ICE1: variants seen among roughly 807,000 people sequenced by gnomAD.
The protein encoded by ICE1 is interactor of little elongation complex ELL subunit 1.
ICE1 carries 64 observed loss-of-function variants against 192.7 expected under a neutral mutation model. The ratio of observed to expected loss-of-function variants is 0.33; its 90% CI spans 0.27 to 0.41. ICE1 has a LOEUF of 0.41. Among genes scored for constraint, ICE1 ranks in the 10% least tolerant of loss-of-function variants. The pLI, the probability that ICE1 is intolerant of heterozygous loss-of-function variation, is 1.00. For missense variants in ICE1, 2,708 were observed against 2,696.0 expected (o/e 1.00, Z -0.10); for synonymous variants, 1,010 against 984.5 (o/e 1.03, Z -0.49).
intron 5 of ICE1, among the ~76,000 whole-genome samples, chr5:5,442,713 G>C (rs1406561158): frequency 6.6e-6 from 1 of 152,162 alleles, no homozygotes; most frequent in South Asian, 2.1e-4. Flanking sequence ...CTCAATAACA[G>C]TGTCTTTCCC....
Position 5,422,868 on chromosome 5 carries a change from C to G in ICE1, c.-48C>G. ...CAGCAGAGACAGGACGGGGCCGACG[C>G]CGCGGGCCCCTGAGGCGTGCGTGCC... On this transcript the variant is annotated 5_prime_UTR_variant, in exon 1 of 19. Transcript: ENST00000296564. 7.9e-7 allele frequency: 1 copy of G among 1,261,094 alleles called. No individual in the cohort carries two copies. Among genetic ancestry groups the G allele is most frequent in the Non-Finnish European group, 1.0e-6 (1 of 997,562 alleles). The allele number at this position is 1,261,094 out of a possible 1,614,324, so 78.1% of individuals were successfully genotyped here. A position where few individuals can be genotyped will look rare whatever the true frequency, so the allele number is the denominator to read the frequency against.
chr5:5,482,485 G>T (rs1369162264), intron 17 of ICE1, among the ~76,000 whole-genome samples: 1 of 152,224 alleles, frequency 6.6e-6, no homozygotes, highest in Non-Finnish European at 1.5e-5. Context: ...TCTCAGGTCT[G>T]CTGATGAAGT....
At chr5:5,435,655 G>GTGTTTTTTTTTTTGTTTGTT in intron 1 of ICE1, among the ~76,000 whole-genome samples, 1 of 138,660 alleles carries the variant, frequency 7.2e-6, no homozygotes, top group Non-Finnish European at 1.6e-5. Flanking sequence ...AGCCAAATTT[G>GTGTTTTTTTTTTTGTTTGTT]TGTTTTTTTT....
intron 10 of ICE1, among the ~76,000 whole-genome samples, chr5:5,448,286 TTATAG>T (rs1291125122): frequency 6.6e-6 from 1 of 152,186 alleles, no homozygotes; most frequent in African/African-American, 2.4e-5. Flanking sequence ...AATTAAAGCC[TTATAG>T]TATATTATAT....
At chr5:5,456,878 T>G (rs1004010638) in intron 11 of ICE1, among the ~76,000 whole-genome samples, 1 of 152,178 alleles carries the variant, frequency 6.6e-6, no homozygotes, top group African/African-American at 2.4e-5. Flanking sequence ...TAGAGAGCAT[T>G]GTACAGATTT....
chr5:5,436,617 C>G (rs1266425435), intron 2 of ICE1, 141 bp downstream of exon 2: 5 of 466,072 alleles, frequency 1.1e-5, no homozygotes, highest in Non-Finnish European at 1.9e-5. Context: ...GATTATAATT[C>G]CCCGTGAGCT....
At chr5:5,483,985 A>G (rs1185695332) in intron 17 of ICE1, among the ~76,000 whole-genome samples, 1 of 152,136 alleles carries the variant, frequency 6.6e-6, no homozygotes, top group African/African-American at 2.4e-5. Flanking sequence ...CTGCCTGTAG[A>G]CTTACTTTCT....
At chr5:5,435,544 AGTT>A (rs756700791) in intron 1 of ICE1, among the ~76,000 whole-genome samples, 17 of 152,174 alleles carry the variant, frequency 1.1e-4, no homozygotes, top group Non-Finnish European at 2.4e-4. Context: ...AAAGGAAAGA[AGTT>A]AATGAAAAGA....
chr5:5,460,902 C>A lies in ICE1; in HGVS notation c.1568C>A (p.Ala523Asp). ...LSASPAQEKE[A>D]APGKSELCSS... ...GCCAGCCCTGCACAAGAGAAGGAAGCTGCCCCTGGGAAGTCTGAGTTGTGT... is the reference window on the plus strand; with the variant it reads ...GCCAGCCCTGCACAAGAGAAGGAAGATGCCCCTGGGAAGTCTGAGTTGTGT... Residue 523 changes from alanine (A) to aspartate (D), a missense_variant, in exon 13 of 19, where the codon GCT becomes GAT. Around this residue, in one of 2 missense-constraint regions of ICE1, gnomAD observed 2,366 missense variants for 2,276.6 expected, o/e 1.04. Coordinates refer to ENST00000296564, the MANE Select transcript of ICE1 (RefSeq NM_015325.3). 2 of 1,614,014 alleles carry A rather than the reference C, an allele frequency of 1.2e-6. No individual in the cohort carries two copies. Among genetic ancestry groups the A allele is most frequent in the South Asian group, 2.2e-5 (2 of 91,088 alleles).
At chr5:5,440,662 A>T (rs527278141) in intron 4 of ICE1, among the ~76,000 whole-genome samples, 14 of 152,170 alleles carry the variant, frequency 9.2e-5, no homozygotes, top group South Asian at 2.1e-4. Context: ...TACTATTAAA[A>T]TTTTTTTTAA....
intron 7 of ICE1, among the ~76,000 whole-genome samples, chr5:5,444,803 C>A (rs1420957444): frequency 6.6e-6 from 1 of 152,154 alleles, no homozygotes; most frequent in Non-Finnish European, 1.5e-5. Flanking sequence ...CTCACCCGTG[C>A]CTCACCCTCT....
intron 1 of ICE1, 128 bp downstream of exon 1, chr5:5,423,127 C>G: frequency 2.2e-6 from 1 of 465,086 alleles, no homozygotes; most frequent in East Asian, 3.7e-5. Flanking sequence ...AACCGTAGCT[C>G]TTGCTCGCTC....
chr5:5,459,342 T>A (rs1031724386), intron 12 of ICE1, among the ~76,000 whole-genome samples: 6 of 151,946 alleles, frequency 3.9e-5, no homozygotes, highest in African/African-American at 1.5e-4. Context: ...ATAGCAAATA[T>A]AAGAAGTGAC....
In ICE1 at chr5:5,436,489, G is replaced by T. The variant is rs750548204; in HGVS notation, c.143+13G>T. 2.1e-6 allele frequency: 3 copies of T among 1,433,438 alleles called. No individual in the cohort carries two copies. Among genetic ancestry groups the T allele is most frequent in the Non-Finnish European group, 2.8e-6 (3 of 1,075,626 alleles). 88.8% of individuals were successfully genotyped at this position (1,433,438 alleles called of 1,614,324 possible). ...TTATCAATACAGAGTAAGTATATTT[G>T]CATGTCGTTTGGCAGAACTTTGTAA... On this transcript the variant is annotated intron_variant, in intron 2 of 18. Transcript: ENST00000296564.
intron 15 of ICE1, among the ~76,000 whole-genome samples, chr5:5,471,187 G>A (rs903074391): frequency 3.9e-5 from 6 of 152,162 alleles, no homozygotes; most frequent in African/African-American, 1.2e-4. Context: ...TTTGAAATGG[G>A]AAAGTAGACA....
intron 10 of ICE1, among the ~76,000 whole-genome samples, chr5:5,453,081 GA>G (rs1435204785): frequency 1.3e-5 from 2 of 152,110 alleles, no homozygotes; most frequent in Non-Finnish European, 2.9e-5. Context: ...GCCTCCATAA[GA>G]ATGGAAAAGT....
At chr5:5,473,824 A>G in intron 16 of ICE1, 76 bp downstream of exon 16, 1 of 1,110,932 alleles carries the variant, frequency 9.0e-7, no homozygotes, top group Non-Finnish European at 1.2e-6. Context: ...TGTGGCTTGA[A>G]TCATTTTTGT....
intron 7 of ICE1, among the ~76,000 whole-genome samples, chr5:5,446,139 A>G (rs1258917194): frequency 6.6e-6 from 1 of 152,020 alleles, no homozygotes; most frequent in African/African-American, 2.4e-5. Context: ...CCTCCAGAGT[A>G]GATGGGACTA....
At chr5:5,472,331 G>T (rs953885102) in intron 15 of ICE1, among the ~76,000 whole-genome samples, 1 of 152,058 alleles carries the variant, frequency 6.6e-6, no homozygotes, top group Non-Finnish European at 1.5e-5. Context: ...TTAAAATTAT[G>T]ATTCTAATAC....
Sources: gnomAD v4.1 joint callset for allele counts (sites outside exome capture counted in the v4.1 genomes callset) on GRCh38, gnomAD v4.1.1 for gene constraint, gnomAD v4.1.1 regional missense constraint, MANE v1.5 for transcripts, NCBI Gene and HGNC (gene_info 2026-07-23, HGNC 2026-07-21) for gene names.